Variants in RUNDC3B observed in about 807,000 individuals in gnomAD.
RUNDC3B encodes the protein RUN domain containing 3B.
In RUNDC3B, 33 loss-of-function variants were observed where a neutral mutation model predicts 58.4. That is an observed-to-expected ratio of 0.56 (90% CI 0.43 to 0.75). RUNDC3B has a LOEUF of 0.75. Among genes scored for constraint, RUNDC3B ranks in the 30% least tolerant of loss-of-function variants. The pLI, the probability that RUNDC3B is intolerant of heterozygous loss-of-function variation, is 0.00. For missense variants in RUNDC3B, 501 were observed against 535.7 expected (o/e 0.94, Z 0.64); for synonymous variants, 193 against 195.2 (o/e 0.99, Z 0.10).
intron 4 of RUNDC3B, among the ~76,000 whole-genome samples, chr7:87,724,261 A>G (rs924388441): frequency 6.6e-6 from 1 of 152,132 alleles, no homozygotes; most frequent in Admixed American, 6.6e-5. Flanking sequence ...CCGTGGGGAT[A>G]CCAAGAACTC....
Position 87,725,212 on chromosome 7 carries a change from G to A in RUNDC3B, c.458+14557G>A, listed in dbSNP as rs566825395. Among the ~76,000 whole-genome samples the A allele has an allele frequency of 6.2e-4, 94 of 152,154 alleles. 2 individuals are homozygous for A. In the South Asian group the frequency reaches 0.019, roughly 31 times the overall value. On this transcript the variant is annotated intron_variant, in intron 4 of 10. Transcript: ENST00000394654. ...CCCATTAACTTGTCATTTACATTAG[G>A]TATATCTCCTAATGCTTTCCCTCCC... is the stretch of plus-strand genomic sequence containing the variant.
At chr7:87,799,631 G>A (rs1276101521) in intron 8 of RUNDC3B, among the ~76,000 whole-genome samples, 2 of 152,100 alleles carry the variant, frequency 1.3e-5, no homozygotes, top group Non-Finnish European at 2.9e-5. Flanking sequence ...GTTCATGCCT[G>A]TAATCGCAGC....
intron 1 of RUNDC3B, among the ~76,000 whole-genome samples, chr7:87,649,302 C>T (rs1823337038): frequency 6.6e-6 from 1 of 152,110 alleles, no homozygotes; most frequent in Admixed American, 6.5e-5. Flanking sequence ...CAAAATAGAG[C>T]TTACAAATAA....
chr7:87,779,782 C>T (rs935414474), intron 8 of RUNDC3B, among the ~76,000 whole-genome samples: 1 of 152,008 alleles, frequency 6.6e-6, no homozygotes, highest in African/African-American at 2.4e-5. Flanking sequence ...TACCCCCCAC[C>T]CTTCCTCTCC....
intron 8 of RUNDC3B, among the ~76,000 whole-genome samples, chr7:87,784,526 T>A (rs1835100978): frequency 1.3e-5 from 2 of 152,038 alleles, no homozygotes; most frequent in Admixed American, 1.3e-4. Flanking sequence ...AGTTTCCTCA[T>A]TGGGTTTCAC....
intron 8 of RUNDC3B, among the ~76,000 whole-genome samples, chr7:87,796,050 A>G (rs1835800842): frequency 6.6e-6 from 1 of 152,248 alleles, no homozygotes; most frequent in Non-Finnish European, 1.5e-5. Context: ...ATTTGGAAGC[A>G]ACCTAAGTGC....
chr7:87,757,633 A>G (rs1416834220), intron 6 of RUNDC3B, among the ~76,000 whole-genome samples: 2 of 152,196 alleles, frequency 1.3e-5, no homozygotes, highest in Non-Finnish European at 2.9e-5. Context: ...CAAAATACCA[A>G]TGACATTCTT....
intron 2 of RUNDC3B, among the ~76,000 whole-genome samples, chr7:87,689,539 A>G (rs1827817948): frequency 6.6e-6 from 1 of 152,164 alleles, no homozygotes; most frequent in South Asian, 2.1e-4. Context: ...TAATATTGCT[A>G]AATTACTAAT....
intron 10 of RUNDC3B, among the ~76,000 whole-genome samples, chr7:87,828,666 A>G (rs1181831097): frequency 6.6e-6 from 1 of 152,120 alleles, no homozygotes; most frequent in African/African-American, 2.4e-5. Context: ...GCCATTGTGA[A>G]TAGTGCTATG....
At chr7:87,640,284 A>G (rs1222430581) in intron 1 of RUNDC3B, among the ~76,000 whole-genome samples, 2 of 151,524 alleles carry the variant, frequency 1.3e-5, no homozygotes, top group Non-Finnish European at 1.5e-5. Flanking sequence ...ATTTATCCAC[A>G]TATTTACCCT....
intron 8 of RUNDC3B, among the ~76,000 whole-genome samples, chr7:87,784,324 T>C (rs1232631252): frequency 6.6e-6 from 1 of 152,198 alleles, no homozygotes. Context: ...GTGCTAATTT[T>C]ATCTCATCTG....
intron 2 of RUNDC3B, among the ~76,000 whole-genome samples, chr7:87,694,906 T>C (rs1828367750): frequency 6.6e-6 from 1 of 152,190 alleles, no homozygotes; most frequent in East Asian, 1.9e-4. Flanking sequence ...GACTAATTGT[T>C]ATGGCATAGA....
In RUNDC3B at chr7:87,717,344, TAAAG is replaced by T. The variant is rs143286646; in HGVS notation, c.458+6690_458+6693del. ...AGATAAGAAAAACAAACAGAAAAAA[TAAAG>T]GAACAATAAAGCAAAAAATAAACAA... On this transcript the variant is annotated intron_variant, in intron 4 of 10. Coordinates refer to ENST00000394654, the MANE Select transcript of RUNDC3B (RefSeq NM_001134405.2). Among the ~76,000 whole-genome samples, 1,061 of 151,500 alleles carry T rather than the reference TAAAG, an allele frequency of 7.0e-3. 7 individuals carry two copies. The highest frequency in any genetic ancestry group is 0.049 in the East Asian group (251 of 5,132).
At chr7:87,821,115 T>G (rs567911610) in intron 10 of RUNDC3B, among the ~76,000 whole-genome samples, 4 of 151,312 alleles carry the variant, frequency 2.6e-5, no homozygotes, top group African/African-American at 9.8e-5. Flanking sequence ...TGTTTGCAGA[T>G]GACATGATTG....
Position 87,829,946 on chromosome 7 carries a change from C to G in RUNDC3B, c.1287C>G (p.Tyr429Ter). ...LCGSLTSVAS[Y>*]KSLTSLKSND... is the part of the protein sequence containing the mutation. ...GATCTCTAACGTCAGTGGCAAGTTA[C>G]AAGTCTCTAACAAGCTTAAAATCTA... Residue 429 changes from tyrosine (Y) to a stop codon, truncating the protein, a stop_gained, in exon 11 of 11, where the codon TAC becomes TAG. Transcript: ENST00000394654. LOFTEE classifies it high-confidence loss of function. 1 of 1,608,722 alleles carries G rather than the reference C, an allele frequency of 6.2e-7. No individual in the cohort carries two copies. Among genetic ancestry groups the G allele is most frequent in the Non-Finnish European group, 8.5e-7 (1 of 1,176,494 alleles).
intron 2 of RUNDC3B, among the ~76,000 whole-genome samples, chr7:87,668,879 G>C (rs1825543214): frequency 6.6e-6 from 1 of 152,114 alleles, no homozygotes; most frequent in Admixed American, 6.6e-5. Flanking sequence ...ATTTGTTGAG[G>C]ATTGTTTTAT....
chr7:87,730,971 A>G (rs1030173499), intron 4 of RUNDC3B, among the ~76,000 whole-genome samples: 15 of 152,162 alleles, frequency 9.9e-5, no homozygotes, highest in Non-Finnish European at 2.2e-4. Flanking sequence ...GCACCAAGAC[A>G]GTACCTGTAT....
intron 2 of RUNDC3B, among the ~76,000 whole-genome samples, chr7:87,677,509 C>T (rs1302380423): frequency 6.6e-6 from 1 of 151,858 alleles, no homozygotes; most frequent in Admixed American, 6.6e-5. Flanking sequence ...ATGTTGATTA[C>T]CAGAGGCTGG....
Position 87,741,596 on chromosome 7 carries a change from G to A in RUNDC3B, c.629+17G>A. The A allele has an allele frequency of 7.1e-7, 1 of 1,408,140 alleles. No homozygotes were observed. Among genetic ancestry groups the A allele is most frequent in the Non-Finnish European group, 9.9e-7 (1 of 1,010,494 alleles). 87.2% of individuals were successfully genotyped at this position (1,408,140 alleles called of 1,614,324 possible). On this transcript the variant is annotated intron_variant, in intron 6 of 10. Coordinates refer to ENST00000394654, the MANE Select transcript of RUNDC3B (RefSeq NM_001134405.2). ...TATCCAAAGGTATGTGACATTTTGA[G>A]ATATGTTTTTTAAAATCTTATTTAA...
Sources: allele counts gnomAD v4.1 joint callset (sites outside exome capture counted in the v4.1 genomes callset), GRCh38; gene constraint gnomAD v4.1.1; transcripts MANE v1.5; gene names NCBI Gene and HGNC (gene_info 2026-07-23, HGNC 2026-07-21).